Variants in SACS observed in about 807,000 individuals in gnomAD.
SACS encodes the protein sacsin molecular chaperone.
SACS carries 197 observed loss-of-function variants against 348.0 expected under a neutral mutation model. The ratio of observed to expected loss-of-function variants is 0.57; its 90% CI spans 0.50 to 0.64. The LOEUF (loss-of-function observed/expected upper bound fraction) is 0.64, where lower values mean the gene tolerates loss of function less well. Ranked by LOEUF, SACS falls within the 30% of genes least tolerant of loss-of-function variation. The pLI is 0.00. For missense variants in SACS, 4,999 were observed against 5,360.8 expected (o/e 0.93, Z 2.11); for synonymous variants, 1,985 against 1,910.6 (o/e 1.04, Z -1.02).
chr13:23,331,767 G>T lies in SACS; in HGVS notation c.12109C>A (p.Leu4037Ile), dbSNP rs754568574. 3.1e-6 allele frequency: 5 copies of T among 1,613,920 alleles called. No individual in the cohort carries two copies. The highest frequency in any genetic ancestry group is 4.2e-6 in the Non-Finnish European group (5 of 1,179,908). Reference sequence around the variant, plus strand: ...AATCCTTCTCTTAGGGCTTTGCAAAGTCTTATGGCTTTTTCTTCATTGGCC... The same window carrying T: ...AATCCTTCTCTTAGGGCTTTGCAAATTCTTATGGCTTTTTCTTCATTGGCC... ...FLANEEKAIR[L>I]CKALREGLKV... The change falls in exon 10 of 10, where the codon CTT becomes ATT. Residue 4037 changes from leucine (L) to isoleucine (I), a missense_variant. Around this residue, in one of 6 missense-constraint regions of SACS, gnomAD observed 831 missense variants for 941.8 expected, o/e 0.88. Coordinates refer to ENST00000382292, the MANE Select transcript of SACS (RefSeq NM_014363.6).
In SACS at chr13:23,353,874, G is replaced by C. The variant is rs374680967; in HGVS notation, c.2096C>G (p.Ser699Cys). 1 of 1,556,454 alleles carries C rather than the reference G, an allele frequency of 6.4e-7. No individual in the cohort carries two copies. Among genetic ancestry groups the C allele is most frequent in the Non-Finnish European group, 8.9e-7 (1 of 1,127,806 alleles). The stretch of plus-strand genomic sequence containing the variant: ...TCTTCCTTCAAGACTTGGGAAAAGG[G>C]ACCTGAAAAGGGAAAGGAACAGCAA... ...IYITSAEYPR[S>C]LFPSLEGRFI... The change falls in exon 9 of 10, where the codon TCC (serine) becomes TGC (cysteine). Residue 699 changes from serine to cysteine, a missense_variant and splice_region_variant. This residue lies in a region of SACS where 3,156 missense variants were observed against 3,380.1 expected (regional missense o/e 0.93). Coordinates refer to ENST00000382292, the MANE Select transcript of SACS (RefSeq NM_014363.6).
intron 5 of SACS, among the ~76,000 whole-genome samples, chr13:23,368,186 G>T (rs1306914291): frequency 6.6e-6 from 1 of 152,086 alleles, no homozygotes; most frequent in African/African-American, 2.4e-5. Context: ...GTAGCTTAGC[G>T]CATTTCTTTG....
intron 2 of SACS, among the ~76,000 whole-genome samples, chr13:23,388,429 T>TAC (rs893733079): frequency 6.8e-6 from 1 of 147,130 alleles, no homozygotes; most frequent in African/African-American, 2.5e-5. Context: ...TGTGTATATA[T>TAC]ATATATATGG....
Position 23,336,287 on chromosome 13 carries a change from C to G in SACS, c.7589G>C (p.Ser2530Thr). The change falls in exon 10 of 10, where the codon AGC becomes ACC. Residue 2530 changes from serine to threonine, a missense_variant. Physicochemically the swap from Ser to Thr is moderately conservative, Grantham distance 58. Transcript: ENST00000382292. ...TGCATTAAGGATGCTCTTAATTCTG[C>G]TGGTCAATTTTTCTTTCTGCCCAAA... ...TEFGQKEKLT[S>T]RIKSILNAYP... The G allele has an allele frequency of 6.2e-7, 1 of 1,614,074 alleles. No individual in the cohort carries two copies. The highest frequency in any genetic ancestry group is 8.5e-7 in the Non-Finnish European group (1 of 1,179,964).
Position 23,335,022 on chromosome 13 carries a change from C to T in SACS, c.8854G>A (p.Val2952Ile). ...AAAAACTTCTTTAAAGTGTCCTTTA[C>T]AACATGAATAGGGGTGTTCTGTAAC... is the stretch of plus-strand genomic sequence containing the variant. ...SVLQNTPIHV[V>I]KDTLKKFLSF... is the part of the protein sequence containing the mutation. The change falls in exon 10 of 10, where the codon GTA becomes ATA. Residue 2952 changes from valine to isoleucine, a missense_variant. Physicochemically the swap from Val to Ile is conservative, Grantham distance 29. Around this residue, in one of 6 missense-constraint regions of SACS, gnomAD observed 734 missense variants for 694.0 expected, o/e 1.06. Transcript: ENST00000382292. The surrounding 1 kb of genome is among the most constrained non-coding windows in gnomAD (Gnocchi z 4.7). 2 of 1,613,662 alleles carry T rather than the reference C, an allele frequency of 1.2e-6. No homozygotes were observed. The highest frequency in any genetic ancestry group is 1.7e-6 in the Non-Finnish European group (2 of 1,179,746).
intron 2 of SACS, among the ~76,000 whole-genome samples, chr13:23,400,303 C>T (rs1441908575): frequency 6.6e-6 from 1 of 152,184 alleles, no homozygotes; most frequent in South Asian, 2.1e-4. Flanking sequence ...AAATATAACC[C>T]ATCTGATTAG....
chr13:23,432,300 A>G (rs759962545), intron 1 of SACS, among the ~76,000 whole-genome samples: 2 of 152,242 alleles, frequency 1.3e-5, no homozygotes, highest in Non-Finnish European at 2.9e-5. Flanking sequence ...ACCAAGTAAG[A>G]TTAAAGGAAA....
rs899469618 is a variant in SACS at position 23,330,720 on chromosome 13, G to A, written c.13156C>T (p.Arg4386Ter). Residue 4386 changes from arginine (R) to a stop codon, truncating the protein, a stop_gained, in exon 10 of 10, where the codon CGA (arginine) becomes TGA (stop). Transcript: ENST00000382292. LOFTEE classifies it high-confidence loss of function. ...AATGAGTATTTGTCTGACTGAAATCGGGATGCTGAGGTTGAAAATGTTCGT... is the reference window on the plus strand; with the variant it reads ...AATGAGTATTTGTCTGACTGAAATCAGGATGCTGAGGTTGAAAATGTTCGT... ...SRRTFSTSAS[R>*]FQSDKYSFQR... 1.9e-6 allele frequency: 3 copies of A among 1,613,980 alleles called. No individual in the cohort carries two copies. The highest frequency in any genetic ancestry group is 1.7e-5 in the Admixed American group (1 of 60,010).
Position 23,333,781 on chromosome 13 carries a change from T to A in SACS, c.10095A>T (p.Leu3365=). Residue 3365 remains leucine, a synonymous_variant, in exon 10 of 10, where the codon CTA becomes CTT. Coordinates refer to ENST00000382292, the MANE Select transcript of SACS (RefSeq NM_014363.6). The part of the protein sequence containing the change: ...IESPTSILKA[L]HYMVQTSTFR... ...ATGTTGAAGTTTGGACCATATAATG[T>A]AGAGCCTTCAAGATGCTTGTGGGGC... 2 of 1,613,882 alleles carry A rather than the reference T, an allele frequency of 1.2e-6. No homozygotes were observed. The highest frequency in any genetic ancestry group is 8.5e-7 in the Non-Finnish European group (1 of 1,179,826).
At chr13:23,389,550 C>A (rs1012580393) in intron 2 of SACS, among the ~76,000 whole-genome samples, 3 of 152,156 alleles carry the variant, frequency 2.0e-5, no homozygotes, top group African/African-American at 7.2e-5. Flanking sequence ...CTGCAAAGTA[C>A]ATGTGCTCTA....
chr13:23,331,330 A>C lies in SACS; in HGVS notation c.12546T>G (p.Val4182=). The change falls in exon 10 of 10, where the codon GTT becomes GTG. Residue 4182 remains valine (V), a synonymous_variant. Coordinates refer to ENST00000382292, the MANE Select transcript of SACS (RefSeq NM_014363.6). ...CACCTTCAGCATCAACAAGGTACCC[A>C]ACATATTCTCCCGGGTAAAAAACAT... ...PMNVFYPGEY[V]GYLVDAEGGD... is the part of the protein sequence containing the mutation. 1 of 1,614,040 alleles carries C rather than the reference A, an allele frequency of 6.2e-7. No homozygotes were observed. Among genetic ancestry groups the C allele is most frequent in the South Asian group, 1.1e-5 (1 of 91,086 alleles).
In SACS at chr13:23,330,927, C is replaced by T. The variant is rs763698356; in HGVS notation, c.12949G>A (p.Ala4317Thr). Residue 4317 changes from alanine to threonine, a missense_variant, in exon 10 of 10, where the codon GCA (alanine) becomes ACA (threonine). Physicochemically the swap from Ala to Thr is moderately conservative, Grantham distance 58. This residue lies in a region of SACS where 831 missense variants were observed against 941.8 expected (regional missense o/e 0.88). Coordinates refer to ENST00000382292, the MANE Select transcript of SACS (RefSeq NM_014363.6). ...LKEVTSVVEQ[A>T]WKLPESERKK... ...CGTTCCGATTCTGGAAGCTTCCATG[C>T]TTGCTCCACCACAGATGTCACTTCT... The T allele has an allele frequency of 6.2e-7, 1 of 1,614,100 alleles. No homozygotes were observed. Among genetic ancestry groups the T allele is most frequent in the Non-Finnish European group, 8.5e-7 (1 of 1,180,004 alleles).
intron 2 of SACS, among the ~76,000 whole-genome samples, chr13:23,399,034 A>AAAAAAC (rs1872839174): frequency 6.7e-6 from 1 of 150,360 alleles, no homozygotes; most frequent in Non-Finnish European, 1.5e-5. Context: ...AAAAAAAAAA[A>AAAAAAC]AAACATGGAT....
At position 23,339,766 on chromosome 13, in the gene SACS, C is replaced by G; in HGVS notation, c.4110G>C (p.Gln1370His). The G allele has an allele frequency of 6.2e-7, 1 of 1,614,058 alleles. No individual in the cohort carries two copies. Among genetic ancestry groups the G allele is most frequent in the Non-Finnish European group, 8.5e-7 (1 of 1,179,970 alleles). Reference sequence around the variant, plus strand: ...CTGGTGTGTTGGGGCTTGCTGGAATCTGATTGCTATACAGCCATCTGATAA... The same window carrying G: ...CTGGTGTGTTGGGGCTTGCTGGAATGTGATTGCTATACAGCCATCTGATAA... Reference protein sequence around the residue: ...LNIIRWLYSNQIPASPNTPVP... With the variant: ...LNIIRWLYSNHIPASPNTPVP... The change falls in exon 10 of 10, where the codon CAG becomes CAC. Residue 1370 changes from glutamine (Q) to histidine (H), a missense_variant. By Grantham distance (24) the Gln-to-His change is conservative. Coordinates refer to ENST00000382292, the MANE Select transcript of SACS (RefSeq NM_014363.6).
rs750275170 is a variant in SACS at position 23,332,484 on chromosome 13, T to C, written c.11392A>G (p.Met3798Val). The C allele has an allele frequency of 2.4e-5, 39 of 1,613,880 alleles. No individual in the cohort carries two copies. Among genetic ancestry groups the C allele is most frequent in the Non-Finnish European group, 3.2e-5 (38 of 1,179,902 alleles). The change falls in exon 10 of 10, where the codon ATG becomes GTG. Residue 3798 changes from methionine to valine, a missense_variant. Coordinates refer to ENST00000382292, the MANE Select transcript of SACS (RefSeq NM_014363.6). ...AGAAGTTTCCAACCATCTTCTACCATCACAAAAGCAACCCCTCGCAACTGA... is the reference window on the plus strand; with the variant it reads ...AGAAGTTTCCAACCATCTTCTACCACCACAAAAGCAACCCCTCGCAACTGA... ...RFQLRGVAFVMVEDGWKLLKP... is the reference protein window; with the variant it reads ...RFQLRGVAFVVVEDGWKLLKP...
At chr13:23,362,573 A>C (rs1870803270) in intron 6 of SACS, among the ~76,000 whole-genome samples, 1 of 150,144 alleles carries the variant, frequency 6.7e-6, no homozygotes, top group South Asian at 2.1e-4. Flanking sequence ...CTTTTATATA[A>C]TACATTCCTT....
intron 3 of SACS, among the ~76,000 whole-genome samples, chr13:23,374,487 T>C (rs1459572691): frequency 6.6e-6 from 1 of 152,226 alleles, no homozygotes; most frequent in Non-Finnish European, 1.5e-5. Flanking sequence ...AGAAATGTTT[T>C]AAAAGAGTTA....
chr13:23,419,759 G>C (rs760569669), intron 1 of SACS, among the ~76,000 whole-genome samples: 1 of 152,172 alleles, frequency 6.6e-6, no homozygotes, highest in Non-Finnish European at 1.5e-5. Context: ...ATTCTGTTGC[G>C]AGTTCCTTAT....
intron 1 of SACS, among the ~76,000 whole-genome samples, chr13:23,413,510 G>A (rs945528786): frequency 6.6e-6 from 1 of 152,174 alleles, no homozygotes; most frequent in African/African-American, 2.4e-5. Flanking sequence ...ACTGGAAACA[G>A]AAAGACCAGC....
Sources: gnomAD v4.1 joint callset for allele counts (sites outside exome capture counted in the v4.1 genomes callset) on GRCh38, gnomAD v4.1.1 for gene constraint, gnomAD v4.1.1 regional missense constraint, Gnocchi (gnomAD v3.1) non-coding constraint, MANE v1.5 for transcripts, NCBI Gene and HGNC (gene_info 2026-07-23, HGNC 2026-07-21) for gene names.